The following PTPRQ variants were observed in gnomAD, a reference collection of about 807,000 sequenced individuals.
PTPRQ encodes the protein protein tyrosine phosphatase receptor type Q, also known as phosphatidylinositol phosphatase PTPRQ.
In PTPRQ, 199 loss-of-function variants were observed where a neutral mutation model predicts 246.0. The observed-to-expected ratio is 0.81, with a 90% CI of 0.72 to 0.91. The LOEUF (loss-of-function observed/expected upper bound fraction) is 0.91, where lower values mean the gene tolerates loss of function less well. Ranked by LOEUF, PTPRQ falls within the 40% of genes least tolerant of loss-of-function variation. The probability of loss-of-function intolerance (pLI) is 0.00; values close to 1 mark genes in which losing one functional copy is unlikely to be tolerated. For synonymous variants in PTPRQ, 869 were observed against 853.2 expected, an observed-to-expected ratio of 1.02 and a Z score of -0.32; for missense variants, 2,624 against 2,528.4, an observed-to-expected ratio of 1.04 and a Z score of -0.81.
In PTPRQ at chr12:80,482,276, A is replaced by T. The variant is rs1184005259; in HGVS notation, c.1187-2157A>T. On this transcript the variant is annotated intron_variant, in intron 8 of 44. Transcript: ENST00000644991. ...CCTGAGAAAAACAAGCAATGGGGAA[A>T]GGATTCCTTATTTAATAAATGGTGC... Among the ~76,000 whole-genome samples, 3 of 151,514 alleles carry T rather than the reference A, an allele frequency of 2.0e-5. No homozygotes were observed. The East Asian group carries it at 5.8e-4, about 29-fold the overall frequency.
intron 17 of PTPRQ, among the ~76,000 whole-genome samples, chr12:80,518,508 T>C (rs569732567): frequency 6.6e-6 from 1 of 152,174 alleles, no homozygotes; most frequent in Non-Finnish European, 1.5e-5. Flanking sequence ...GTTTGTCCGT[T>C]TTTGCTTTGG....
At position 80,679,089 on chromosome 12, in the gene PTPRQ, A is replaced by G; in HGVS notation, c.*66A>G. On this transcript the variant is annotated 3_prime_UTR_variant, in exon 45 of 45. Coordinates refer to ENST00000644991, the MANE Select transcript of PTPRQ (RefSeq NM_001145026.2). Reference sequence around the variant, plus strand: ...TCCCAGGGGCCAAAGTTACCCCCTCATTCTTCCGAATTGAAATGTGCAACC... The same window carrying G: ...TCCCAGGGGCCAAAGTTACCCCCTCGTTCTTCCGAATTGAAATGTGCAACC... The G allele has an allele frequency of 6.6e-7, 1 of 1,515,510 alleles. No homozygotes were observed. The allele number at this position is 1,515,510 out of a possible 1,614,324, so 93.9% of individuals were successfully genotyped here. A position where few individuals can be genotyped will look rare whatever the true frequency, so the allele number is the denominator to read the frequency against.
chr12:80,659,411 A>G (rs1480884102), intron 39 of PTPRQ, among the ~76,000 whole-genome samples: 1 of 152,064 alleles, frequency 6.6e-6, no homozygotes, highest in African/African-American at 2.4e-5. Flanking sequence ...CTACTCTGAT[A>G]ATCAAATGCC....
intron 25 of PTPRQ, among the ~76,000 whole-genome samples, chr12:80,553,177 T>A (rs1051707553): frequency 6.6e-6 from 1 of 152,088 alleles, no homozygotes; most frequent in Non-Finnish European, 1.5e-5. Context: ...CACATTCCCA[T>A]CAGGCAAAAT....
chr12:80,646,503 T>C (rs1371365929), intron 35 of PTPRQ, among the ~76,000 whole-genome samples: 1 of 152,074 alleles, frequency 6.6e-6, no homozygotes, highest in Non-Finnish European at 1.5e-5. Flanking sequence ...GGAGCTGGGG[T>C]ATTTATCCAC....
At chr12:80,561,276 A>T (rs1337212749) in intron 25 of PTPRQ, 1 of 152,162 alleles carries the variant, frequency 6.6e-6, no homozygotes, top group Non-Finnish European at 1.5e-5. Flanking sequence ...TTTCCAAAGC[A>T]CTAACTTTGT....
chr12:80,542,401 T>A, intron 22 of PTPRQ, 37 bp downstream of exon 22: 1 of 1,512,792 alleles, frequency 6.6e-7, no homozygotes. Flanking sequence ...ACAATTTCAC[T>A]GTTGCAGCGC....
chr12:80,556,538 T>C (rs917589547), intron 25 of PTPRQ, among the ~76,000 whole-genome samples: 3 of 152,232 alleles, frequency 2.0e-5, no homozygotes, highest in Non-Finnish European at 4.4e-5. Flanking sequence ...TAATGTTTAC[T>C]TAGATCATCT....
chr12:80,493,178 A>C (rs1044505896), intron 9 of PTPRQ, 97 bp from the exon 10 acceptor site: 41 of 1,278,260 alleles, frequency 3.2e-5, no homozygotes, highest in Non-Finnish European at 4.1e-5. Context: ...TTATAACAGC[A>C]TGATTCCAAA....
chr12:80,667,748 A>G (rs1695382909), intron 39 of PTPRQ, among the ~76,000 whole-genome samples: 1 of 151,958 alleles, frequency 6.6e-6, no homozygotes, highest in Non-Finnish European at 1.5e-5. Context: ...GGTGAATTCT[A>G]CTTTCTATTA....
At chr12:80,529,815 A>T (rs912479770) in intron 17 of PTPRQ, among the ~76,000 whole-genome samples, 17 of 151,632 alleles carry the variant, frequency 1.1e-4, no homozygotes, top group East Asian at 7.7e-4. Context: ...AAGTAATTAA[A>T]TTTTTTTTTC....
chr12:80,540,060 A>G, intron 20 of PTPRQ, 116 bp downstream of exon 20: 1 of 901,438 alleles, frequency 1.1e-6, no homozygotes, highest in Non-Finnish European at 1.5e-6. Context: ...CACGTTCATT[A>G]TAGGAGTTTG....
chr12:80,469,041 T>G (rs1893539867), intron 7 of PTPRQ, among the ~76,000 whole-genome samples: 2 of 152,226 alleles, frequency 1.3e-5, no homozygotes, highest in South Asian at 4.1e-4. Context: ...ACAAAACTAT[T>G]CATGTTCCAC....
At chr12:80,675,783 A>T (rs1419953355) in intron 43 of PTPRQ, among the ~76,000 whole-genome samples, 1 of 152,152 alleles carries the variant, frequency 6.6e-6, no homozygotes. Context: ...ATGGGGATTT[A>T]GGGGTGGGGC....
At chr12:80,606,698 T>C (rs1898335588) in intron 27 of PTPRQ, among the ~76,000 whole-genome samples, 1 of 150,986 alleles carries the variant, frequency 6.6e-6, no homozygotes. Flanking sequence ...ATAATGCTTC[T>C]ATCTCAAAAG....
In PTPRQ at chr12:80,560,035, A is replaced by T. The variant is rs1896778879; in HGVS notation, c.4285+10301A>T. ...GCCACATGTGGACACCTCTTAAAAG[A>T]ATTTGGGGAAACGAGACCAAAGAAG... is the stretch of plus-strand genomic sequence containing the variant. On this transcript the variant is annotated intron_variant, in intron 25 of 44. Transcript: ENST00000644991. Among the ~76,000 whole-genome samples the T allele has an allele frequency of 2.0e-5, 3 of 152,324 alleles. 1 individual carries two copies. Among genetic ancestry groups the T allele is most frequent in the Middle Eastern group, 6.8e-3 (2 of 294 alleles).
At chr12:80,676,854 A>T (rs1901161315) in intron 43 of PTPRQ, among the ~76,000 whole-genome samples, 1 of 152,190 alleles carries the variant, frequency 6.6e-6, no homozygotes, top group Non-Finnish European at 1.5e-5. Context: ...CGGGCATTTT[A>T]TGTATGTTAA....
chr12:80,542,554 T>A (rs1259430179), intron 22 of PTPRQ, among the ~76,000 whole-genome samples, 176 bp from the exon 23 acceptor site: 3 of 152,152 alleles, frequency 2.0e-5, no homozygotes, highest in Non-Finnish European at 4.4e-5. Flanking sequence ...TAAAGCTACT[T>A]TGGAACTACT....
intron 34 of PTPRQ, 150 bp downstream of exon 34, chr12:80,632,441 T>C (rs1899475423): frequency 4.3e-6 from 5 of 1,162,886 alleles, no homozygotes; most frequent in Admixed American, 5.3e-5. Context: ...TCATGTACAA[T>C]ATGATACTTT....
Sources: allele counts gnomAD v4.1 joint callset (sites outside exome capture counted in the v4.1 genomes callset), GRCh38; gene constraint gnomAD v4.1.1; transcripts MANE v1.5; gene names NCBI Gene and HGNC (gene_info 2026-07-23, HGNC 2026-07-21).